The following MVB12B variants were observed in gnomAD, a reference collection of about 807,000 sequenced individuals.
MVB12B encodes the protein ESCRT-I complex subunit MVB12B.
A neutral mutation model predicts 41.6 loss-of-function variants in MVB12B; 16 were observed. That is an observed-to-expected ratio of 0.38 (90% CI 0.26 to 0.58). The LOEUF (loss-of-function observed/expected upper bound fraction) is 0.58, where lower values mean the gene tolerates loss of function less well. Among genes scored for constraint, MVB12B ranks in the 20% least tolerant of loss-of-function variants. MVB12B has a pLI of 0.62. For missense variants in MVB12B, 274 were observed against 380.2 expected (o/e 0.72, Z 2.32); for synonymous variants, 133 against 139.7 (o/e 0.95, Z 0.34).
At chr9:126,407,165 A>T (rs1831459736) in intron 6 of MVB12B, among the ~76,000 whole-genome samples, 1 of 152,148 alleles carries the variant, frequency 6.6e-6, no homozygotes, top group African/African-American at 2.4e-5. Flanking sequence ...ATCTAGCCCA[A>T]CCCCAAGTTG....
At chr9:126,416,761 A>G (rs1243731685) in intron 6 of MVB12B, among the ~76,000 whole-genome samples, 1 of 152,060 alleles carries the variant, frequency 6.6e-6, no homozygotes, top group East Asian at 1.9e-4. Context: ...CTCCTACCTA[A>G]AAAGGTTGTT....
intron 6 of MVB12B, among the ~76,000 whole-genome samples, chr9:126,420,037 G>T (rs1268776500): frequency 1.3e-5 from 2 of 152,214 alleles, no homozygotes; most frequent in Admixed American, 1.3e-4. Flanking sequence ...CTATGGGGAA[G>T]TGCTGGCTCT....
In MVB12B at chr9:126,436,742, C is replaced by G. The variant is rs1832488939; in HGVS notation, c.757+14794C>G. On this transcript the variant is annotated intron_variant, in intron 7 of 9. Transcript: ENST00000361171. This position sits in a 1 kb window ranked among gnomAD's most constrained non-coding sequence, Gnocchi z 4.1. ...GTCCACTTGTGGGCACAGTGGCTGG[C>G]CCCTGCAGAGCCTAAGGGGCACTCC... Among the ~76,000 whole-genome samples, 1 of 152,170 alleles carries G rather than the reference C, an allele frequency of 6.6e-6. No homozygotes were observed. The highest frequency in any genetic ancestry group is 1.5e-5 in the Non-Finnish European group (1 of 68,034).
At position 126,503,392 on chromosome 9, in the gene MVB12B, G is replaced by C; in HGVS notation, c.*129G>C. 1.3e-6 allele frequency: 1 copy of C among 742,636 alleles called. No individual in the cohort carries two copies. Among genetic ancestry groups the C allele is most frequent in the Non-Finnish European group, 2.2e-6 (1 of 461,020 alleles). The allele number at this position is 742,636 out of a possible 1,614,324, so 46.0% of individuals were successfully genotyped here. On this transcript the variant is annotated 3_prime_UTR_variant, in exon 10 of 10. Coordinates refer to ENST00000361171, the MANE Select transcript of MVB12B (RefSeq NM_033446.3). The stretch of plus-strand genomic sequence containing the variant: ...ACACTGCCCCAGCAGGGCTGGCCCG[G>C]AGACTGGGCAGCTAAGTGGGCGCAT...
intron 4 of MVB12B, among the ~76,000 whole-genome samples, chr9:126,388,202 C>T (rs1472932077): frequency 1.3e-5 from 2 of 152,128 alleles, no homozygotes; most frequent in Admixed American, 6.6e-5. Flanking sequence ...CTCACCTCCC[C>T]ACTCCCCGCC....
intron 6 of MVB12B, among the ~76,000 whole-genome samples, chr9:126,419,293 A>G (rs1228692526): frequency 6.6e-6 from 1 of 152,202 alleles, no homozygotes; most frequent in East Asian, 1.9e-4. Flanking sequence ...CCTCATTGGT[A>G]TAGTGAGTGC....
chr9:126,372,490 A>G lies in MVB12B; in HGVS notation c.205-8574A>G, dbSNP rs559777399. On this transcript the variant is annotated intron_variant, in intron 2 of 9. Transcript: ENST00000361171. ...GGCTGCACCCTGTTACAATCCCACC[A>G]GAAGTGCAGAGGGCTCGCATTCGTC... 5.3e-5 allele frequency among the ~76,000 whole-genome samples: 8 copies of G among 152,356 alleles called. 1 individual carries two copies. In the South Asian group the frequency reaches 1.7e-3, roughly 32 times the overall value.
At chr9:126,346,784 G>A (rs1829601266) in intron 2 of MVB12B, among the ~76,000 whole-genome samples, 1 of 152,242 alleles carries the variant, frequency 6.6e-6, no homozygotes, top group Non-Finnish European at 1.5e-5. Context: ...GAAAATTAAA[G>A]AAAACTAAGG....
chr9:126,474,499 A>T (rs1030287868), intron 7 of MVB12B, among the ~76,000 whole-genome samples: 3 of 152,146 alleles, frequency 2.0e-5, no homozygotes, highest in African/African-American at 2.4e-5. Context: ...AGATGAGAGG[A>T]GACATGGATG....
intron 7 of MVB12B, among the ~76,000 whole-genome samples, chr9:126,449,706 G>A (rs914145941): frequency 1.7e-4 from 26 of 152,154 alleles, no homozygotes; most frequent in Admixed American, 1.3e-3. Context: ...TACCTGCAGC[G>A]AGAGACTGGC....
At position 126,480,452 on chromosome 9, in the gene MVB12B, C is replaced by G. The variant is rs542383596; in HGVS notation, c.758-917C>G. 4.9e-4 allele frequency among the ~76,000 whole-genome samples: 75 copies of G among 152,284 alleles called. No individual in the cohort carries two copies. Among genetic ancestry groups the G allele is most frequent in the African/African-American group, 1.7e-3 (71 of 41,570 alleles). On this transcript the variant is annotated intron_variant, in intron 7 of 9. Coordinates refer to ENST00000361171, the MANE Select transcript of MVB12B (RefSeq NM_033446.3). The surrounding 1 kb of genome is among the most constrained non-coding windows in gnomAD (Gnocchi z 4.9). ...AGTCCTCCTCTCTGAGGTTATAATTCATAGAGAAGTGCTCACTTACGGAGG... is the reference window on the plus strand; with the variant it reads ...AGTCCTCCTCTCTGAGGTTATAATTGATAGAGAAGTGCTCACTTACGGAGG...
At chr9:126,487,779 A>AAT (rs1554786000) in intron 9 of MVB12B, among the ~76,000 whole-genome samples, 5 of 152,178 alleles carry the variant, frequency 3.3e-5, no homozygotes, top group South Asian at 2.1e-4. Flanking sequence ...AAAAAAAAAA[A>AAT]AAAATAACAA....
chr9:126,457,746 A>G (rs935213638), intron 7 of MVB12B, among the ~76,000 whole-genome samples: 6 of 152,040 alleles, frequency 3.9e-5, no homozygotes, highest in South Asian at 2.1e-4. Context: ...CTGTCGTTCT[A>G]CTGAGGGAGA....
chr9:126,353,776 T>C (rs889061566), intron 2 of MVB12B, among the ~76,000 whole-genome samples: 1 of 152,200 alleles, frequency 6.6e-6, no homozygotes, highest in African/African-American at 2.4e-5. Flanking sequence ...TAGTAACCAC[T>C]GTGCTGCTGA....
intron 1 of MVB12B, among the ~76,000 whole-genome samples, chr9:126,331,975 G>A (rs1168683643): frequency 1.3e-5 from 2 of 152,256 alleles, no homozygotes; most frequent in African/African-American, 4.8e-5. Flanking sequence ...TTAGATCTCA[G>A]AAACAGCAGA....
chr9:126,361,393 G>T (rs748037306), intron 2 of MVB12B, among the ~76,000 whole-genome samples: 6 of 151,674 alleles, frequency 4.0e-5, no homozygotes, highest in Non-Finnish European at 8.8e-5. Flanking sequence ...TTTTTTCTAC[G>T]TATGTCATAA....
intron 6 of MVB12B, among the ~76,000 whole-genome samples, chr9:126,413,239 A>G (rs1831703057): frequency 6.6e-6 from 1 of 152,182 alleles, no homozygotes; most frequent in Non-Finnish European, 1.5e-5. Flanking sequence ...GAATTGTGTA[A>G]TTGGCCCCAT....
At chr9:126,427,010 T>C (rs1424060055) in intron 7 of MVB12B, 1 of 152,250 alleles carries the variant, frequency 6.6e-6, no homozygotes, top group Non-Finnish European at 1.5e-5. Flanking sequence ...CTTTCCCACA[T>C]TATTGCCACA....
At chr9:126,472,736 A>G (rs1833341783) in intron 7 of MVB12B, among the ~76,000 whole-genome samples, 1 of 152,210 alleles carries the variant, frequency 6.6e-6, no homozygotes. Context: ...GTTTGGGATT[A>G]CAGCATTAAT....
Sources: gnomAD v4.1 joint callset for allele counts (sites outside exome capture counted in the v4.1 genomes callset) on GRCh38, gnomAD v4.1.1 for gene constraint, Gnocchi (gnomAD v3.1) non-coding constraint, MANE v1.5 for transcripts, NCBI Gene and HGNC (gene_info 2026-07-23, HGNC 2026-07-21) for gene names.